ARHGEF11: variants seen among roughly 807,000 people sequenced by gnomAD.
ARHGEF11 encodes the protein Rho guanine exchange factor (GEF) 11.
ARHGEF11 carries 55 observed loss-of-function variants against 193.7 expected under a neutral mutation model. That is an observed-to-expected ratio of 0.28 (90% CI 0.23 to 0.36). ARHGEF11 has a LOEUF of 0.36. Among genes scored for constraint, ARHGEF11 ranks in the 10% least tolerant of loss-of-function variants. The pLI, the probability that ARHGEF11 is intolerant of heterozygous loss-of-function variation, is 1.00. For missense variants in ARHGEF11, 1,723 were observed against 2,005.6 expected (o/e 0.86, Z 2.69); for synonymous variants, 693 against 768.0 (o/e 0.90, Z 1.62).
At chr1:156,954,778 G>C (rs2102045961) in intron 21 of ARHGEF11, 114 bp downstream of exon 21, 1 of 889,970 alleles carries the variant, frequency 1.1e-6, no homozygotes, top group East Asian at 2.4e-5. Flanking sequence ...GAAAGAAAGG[G>C]AGGGAGGAGG....
intron 1 of ARHGEF11, among the ~76,000 whole-genome samples, chr1:156,988,911 T>C (rs932625870): frequency 2.0e-5 from 3 of 152,098 alleles, no homozygotes; most frequent in Admixed American, 6.5e-5. Context: ...GGACAGACTA[T>C]TGTGTCAGCT....
chr1:156,944,816 T>C (rs545750667), intron 30 of ARHGEF11, among the ~76,000 whole-genome samples: 1 of 152,302 alleles, frequency 6.6e-6, no homozygotes, highest in Admixed American at 6.5e-5. Flanking sequence ...CAACATCTAG[T>C]CTTTCTTAGG....
In ARHGEF11 at chr1:157,044,812, T is replaced by G. The variant is rs552239879; in HGVS notation, c.-482A>C. The G allele has an allele frequency of 3.1e-6, 1 of 319,720 alleles. No homozygotes were observed. Among genetic ancestry groups the G allele is most frequent in the South Asian group, 1.5e-4 (1 of 6,508 alleles). 19.8% of individuals were successfully genotyped at this position (319,720 alleles called of 1,614,324 possible). On this transcript the variant is annotated 5_prime_UTR_variant, in exon 1 of 41. An upstream open reading frame in the 5' UTR loses its in-frame stop. Coordinates refer to ENST00000368194, the MANE Select transcript of ARHGEF11 (RefSeq NM_198236.3). ...AGCTCAAAGGGGGAAAGTAATTTTC[T>G]AGTCTCCAATGCTTAATATGACAAC...
chr1:157,040,410 T>A (rs1315368912), intron 1 of ARHGEF11, among the ~76,000 whole-genome samples: 1 of 152,186 alleles, frequency 6.6e-6, no homozygotes, highest in African/African-American at 2.4e-5. Context: ...GGGTCTAGAT[T>A]TATTTTGAAT....
intron 10 of ARHGEF11, among the ~76,000 whole-genome samples, chr1:156,968,852 A>T (rs550867895): frequency 6.6e-6 from 1 of 152,378 alleles, no homozygotes; most frequent in East Asian, 1.9e-4. Flanking sequence ...TTTGGGAAGA[A>T]AAAGATCCAC....
chr1:157,014,951 T>C (rs1171617553), intron 1 of ARHGEF11, among the ~76,000 whole-genome samples: 1 of 152,178 alleles, frequency 6.6e-6, no homozygotes, highest in Non-Finnish European at 1.5e-5. Flanking sequence ...CTCTTTTAGA[T>C]TTCAGGCTCC....
At chr1:157,041,830 T>C (rs557097585) in intron 1 of ARHGEF11, among the ~76,000 whole-genome samples, 23 of 152,262 alleles carry the variant, frequency 1.5e-4, no homozygotes, top group African/African-American at 5.5e-4. Context: ...GTCTTACGTG[T>C]TTCCCAGTCC....
intron 1 of ARHGEF11, among the ~76,000 whole-genome samples, chr1:157,003,582 C>T (rs534433009): frequency 6.6e-6 from 1 of 152,292 alleles, no homozygotes; most frequent in South Asian, 2.1e-4. Flanking sequence ...AGATAAAGGA[C>T]TTGCCTGAGG....
At chr1:157,040,951 T>TA (rs1557999510) in intron 1 of ARHGEF11, among the ~76,000 whole-genome samples, 1 of 152,202 alleles carries the variant, frequency 6.6e-6, no homozygotes, top group East Asian at 1.9e-4. Flanking sequence ...AATGAACTAC[T>TA]ACTGCTTTAC....
intron 1 of ARHGEF11, among the ~76,000 whole-genome samples, chr1:157,025,906 A>G (rs1670577224): frequency 6.6e-6 from 1 of 152,214 alleles, no homozygotes; most frequent in Admixed American, 6.5e-5. Flanking sequence ...GAGGGTAGGT[A>G]TAACAATAGA....
chr1:157,007,797 TTCTG>T, intron 1 of ARHGEF11, among the ~76,000 whole-genome samples: 1 of 152,354 alleles, frequency 6.6e-6, no homozygotes, highest in East Asian at 1.9e-4. Flanking sequence ...ATACTTCCTG[TTCTG>T]TCTCTGTAAC....
intron 30 of ARHGEF11, among the ~76,000 whole-genome samples, 172 bp downstream of exon 30, chr1:156,944,847 A>G (rs1194493603): frequency 6.6e-6 from 1 of 152,144 alleles, no homozygotes; most frequent in Non-Finnish European, 1.5e-5. Context: ...TGCCTTGTCC[A>G]TCTAGGGACA....
intron 22 of ARHGEF11, 57 bp downstream of exon 22, chr1:156,951,516 G>A: frequency 6.2e-7 from 1 of 1,603,978 alleles, no homozygotes. Flanking sequence ...CCTAGCATCA[G>A]CCCTGCCCAT....
intron 2 of ARHGEF11, among the ~76,000 whole-genome samples, chr1:156,984,960 C>T (rs1664709993): frequency 2.6e-5 from 4 of 151,692 alleles, no homozygotes; most frequent in Non-Finnish European, 1.5e-5. Flanking sequence ...TAGGGAAGGA[C>T]ACATGACAAG....
chr1:156,971,840 G>A (rs777330675), intron 7 of ARHGEF11, 24 bp from the exon 8 acceptor site: 1 of 1,603,818 alleles, frequency 6.2e-7, no homozygotes, highest in Non-Finnish European at 8.5e-7. Flanking sequence ...AGGAGGAGAA[G>A]GGGGAGGGGA....
rs1290174770 is a variant in ARHGEF11 at position 157,045,643 on chromosome 1, C to T, written c.-1313G>A. ...CCGGCGCCGCTCGCCCCGCGCCCGACCGCCGTGTTCCGGCCTTCGCGGCCG... is the reference window on the plus strand; with the variant it reads ...CCGGCGCCGCTCGCCCCGCGCCCGATCGCCGTGTTCCGGCCTTCGCGGCCG... On this transcript the variant is annotated 5_prime_UTR_variant, in exon 1 of 41. Transcript: ENST00000368194. 6.7e-6 allele frequency among the ~76,000 whole-genome samples: 1 copy of T among 148,948 alleles called. No homozygotes were observed. Among genetic ancestry groups the T allele is most frequent in the African/African-American group, 2.5e-5 (1 of 39,398 alleles).
chr1:157,001,177 T>C (rs1013451182), intron 1 of ARHGEF11, among the ~76,000 whole-genome samples: 1 of 152,172 alleles, frequency 6.6e-6, no homozygotes, highest in African/African-American at 2.4e-5. Flanking sequence ...ACTCACGTAT[T>C]CTACCGTGTG....
intron 1 of ARHGEF11, among the ~76,000 whole-genome samples, chr1:157,037,083 G>A (rs562031518): frequency 6.6e-6 from 1 of 152,248 alleles, no homozygotes; most frequent in South Asian, 2.1e-4. Flanking sequence ...AGCCAAGATC[G>A]TGCCATGGCA....
intron 1 of ARHGEF11, among the ~76,000 whole-genome samples, chr1:157,043,511 G>A (rs779125388): frequency 4.6e-5 from 7 of 152,224 alleles, no homozygotes; most frequent in Non-Finnish European, 1.0e-4. Context: ...GGGGTGTCAT[G>A]TGTTCAGACT....
Sources: gnomAD v4.1 joint callset for allele counts (sites outside exome capture counted in the v4.1 genomes callset) on GRCh38, gnomAD v4.1.1 for gene constraint, MANE v1.5 for transcripts, NCBI Gene and HGNC (gene_info 2026-07-23, HGNC 2026-07-21) for gene names.